Variants in FARP1 observed in about 807,000 individuals in gnomAD.
The protein encoded by FARP1 is FERM, ARHGEF and pleckstrin domain-containing protein 1.
In FARP1, 52 loss-of-function variants were observed where a neutral mutation model predicts 128.8. The ratio of observed to expected loss-of-function variants is 0.40; its 90% confidence interval spans 0.32 to 0.51. The LOEUF is 0.51. FARP1 is among the 20% of genes least tolerant of loss of function. The pLI, the probability that FARP1 is intolerant of heterozygous loss-of-function variation, is 0.45. For missense variants in FARP1, 1,333 were observed against 1,367.9 expected, an observed-to-expected ratio of 0.97 and a Z score of 0.40; for synonymous variants, 580 against 551.8, an observed-to-expected ratio of 1.05 and a Z score of -0.72.
At chr13:98,286,784 T>A (rs1015188388) in intron 2 of FARP1, among the ~76,000 whole-genome samples, 19 of 152,186 alleles carry the variant, frequency 1.2e-4, no homozygotes, top group African/African-American at 4.6e-4. Context: ...CCCAGGCACT[T>A]CTTCTTGTTG....
chr13:98,439,542 G>GC (rs1311295778), intron 21 of FARP1, among the ~76,000 whole-genome samples: 3 of 152,188 alleles, frequency 2.0e-5, no homozygotes, highest in Admixed American at 6.5e-5. Flanking sequence ...GGCCCCAGGG[G>GC]CCCCGACAGT....
intron 1 of FARP1, among the ~76,000 whole-genome samples, chr13:98,144,869 G>A (rs1190240691): frequency 6.6e-6 from 1 of 152,116 alleles, no homozygotes; most frequent in South Asian, 2.1e-4. Context: ...TCTCGTAGGG[G>A]GTTTATTCTC....
At chr13:98,261,786 A>C (rs1403515858) in intron 2 of FARP1, among the ~76,000 whole-genome samples, 1 of 152,084 alleles carries the variant, frequency 6.6e-6, no homozygotes, top group Non-Finnish European at 1.5e-5. Flanking sequence ...TTGCGTTACA[A>C]CCAACACTCT....
At chr13:98,310,518 A>C (rs1886412288) in intron 2 of FARP1, among the ~76,000 whole-genome samples, 1 of 152,240 alleles carries the variant, frequency 6.6e-6, no homozygotes, top group South Asian at 2.1e-4. Context: ...TGAAATTTTC[A>C]AAAATGGCTA....
rs1211521018 is a variant in FARP1, at chr13:98,449,745, A to G, written c.*1428A>G. 6.6e-6 allele frequency: 1 copy of G among 150,596 alleles called. No individual in the cohort carries two copies. Among genetic ancestry groups the G allele is most frequent in the Non-Finnish European group, 1.5e-5 (1 of 67,708 alleles). 9.3% of individuals were successfully genotyped at this position (150,596 alleles called of 1,614,324 possible). ...AAAATACCTCACGCCACAATCCAGC[A>G]TATTGATGTTTTAAGGCAAAACAAC... On this transcript the variant is annotated 3_prime_UTR_variant, in exon 27 of 27. Transcript: ENST00000319562.
At chr13:98,346,142 C>G (rs1351278436) in intron 3 of FARP1, among the ~76,000 whole-genome samples, 2 of 151,376 alleles carry the variant, frequency 1.3e-5, no homozygotes, top group Admixed American at 1.3e-4. Flanking sequence ...ACTGACTTGA[C>G]TCTCTGTTAA....
rs1388993400 is a variant in FARP1, at chr13:98,213,282, C to T, written c.40C>T (p.Leu14=). Residue 14 remains leucine (L), a synonymous_variant, in exon 2 of 27, where the codon CTG becomes TTG. Transcript: ENST00000319562. Reference sequence around the variant, plus strand: ...GCAGAGGCCGACCCCAGGATCACGACTGGGGGCCCCGGAAAATTCGGGGAT... The same window carrying T: ...GCAGAGGCCGACCCCAGGATCACGATTGGGGGCCCCGGAAAATTCGGGGAT... ...IEQRPTPGSR[L]GAPENSGIST... The T allele has an allele frequency of 6.2e-7, 1 of 1,614,110 alleles. No homozygotes were observed. The highest frequency in any genetic ancestry group is 1.7e-5 in the Admixed American group (1 of 60,012).
chr13:98,147,353 A>G (rs1020424756), intron 1 of FARP1, among the ~76,000 whole-genome samples: 2 of 152,150 alleles, frequency 1.3e-5, no homozygotes, highest in African/African-American at 4.8e-5. Flanking sequence ...TATGAACTTC[A>G]AGACTTGCAA....
rs752048264 is a variant in FARP1, at chr13:98,197,858, A to G, written c.-23-15362A>G. Among the ~76,000 whole-genome samples, 4 of 151,980 alleles carry G rather than the reference A, an allele frequency of 2.6e-5. No homozygotes were observed. The East Asian group carries it at 5.8e-4, about 22-fold the overall frequency. On this transcript the variant is annotated intron_variant, in intron 1 of 26. Coordinates refer to ENST00000319562, the MANE Select transcript of FARP1 (RefSeq NM_005766.4). Reference sequence around the variant, plus strand: ...TCACTGTTTAGCCAGGATGGTCTCGATCTCCTGACCTCGTGATCCGTTCGC... The same window carrying G: ...TCACTGTTTAGCCAGGATGGTCTCGGTCTCCTGACCTCGTGATCCGTTCGC...
At chr13:98,357,556 A>G (rs1566913242) in intron 3 of FARP1, among the ~76,000 whole-genome samples, 1 of 152,128 alleles carries the variant, frequency 6.6e-6, no homozygotes, top group African/African-American at 2.4e-5. Flanking sequence ...ATAACATTTT[A>G]TATCTCACAG....
chr13:98,314,759 C>T lies in FARP1; in HGVS notation c.172-29003C>T, dbSNP rs557362141. On this transcript the variant is annotated intron_variant, in intron 2 of 26. Coordinates refer to ENST00000319562, the MANE Select transcript of FARP1 (RefSeq NM_005766.4). Reference sequence around the variant, plus strand: ...TCCTTTTTGAGGCAATTAGACCCCACGAATAACCCAGCTCTTGTGGTCCTG... The same window carrying T: ...TCCTTTTTGAGGCAATTAGACCCCATGAATAACCCAGCTCTTGTGGTCCTG... 2.6e-5 allele frequency among the ~76,000 whole-genome samples: 4 copies of T among 152,300 alleles called. No homozygotes were observed. In the South Asian group the frequency reaches 6.2e-4, roughly 24 times the overall value.
intron 2 of FARP1, among the ~76,000 whole-genome samples, chr13:98,305,861 C>T (rs1270250567): frequency 2.0e-5 from 3 of 149,798 alleles, no homozygotes; most frequent in South Asian, 2.1e-4. Flanking sequence ...ATTACTTTCC[C>T]TTTTTTTTTT....
intron 1 of FARP1, among the ~76,000 whole-genome samples, chr13:98,205,485 C>T (rs1258068168): frequency 7.3e-5 from 11 of 151,478 alleles, no homozygotes; most frequent in Non-Finnish European, 1.0e-4. Flanking sequence ...CTCCACCTCC[C>T]GGGTTCATGC....
At chr13:98,209,678 T>TCC (rs1448803810) in intron 1 of FARP1, among the ~76,000 whole-genome samples, 1 of 149,692 alleles carries the variant, frequency 6.7e-6, no homozygotes, top group Non-Finnish European at 1.5e-5. Context: ...GCGCCTGTGA[T>TCC]CCCAGCTACT....
chr13:98,216,681 C>T (rs542772538), intron 2 of FARP1, among the ~76,000 whole-genome samples: 27 of 152,246 alleles, frequency 1.8e-4, no homozygotes, highest in South Asian at 1.2e-3. Flanking sequence ...ATGGTGTCTC[C>T]GTCCTTCTTT....
chr13:98,293,708 A>C (rs1165698874), intron 2 of FARP1, among the ~76,000 whole-genome samples: 1 of 152,208 alleles, frequency 6.6e-6, no homozygotes, highest in Non-Finnish European at 1.5e-5. Flanking sequence ...ACAAATAGGA[A>C]TAGGAGAAGG....
At chr13:98,287,170 T>C (rs937091719) in intron 2 of FARP1, among the ~76,000 whole-genome samples, 1 of 150,024 alleles carries the variant, frequency 6.7e-6, no homozygotes, top group African/African-American at 2.5e-5. Context: ...GTCAATGTCA[T>C]AGGCATTTGT....
chr13:98,210,806 C>T (rs1172199674), intron 1 of FARP1, among the ~76,000 whole-genome samples: 1 of 152,232 alleles, frequency 6.6e-6, no homozygotes, highest in Non-Finnish European at 1.5e-5. Flanking sequence ...GCCTCAGCCT[C>T]CCAAAGTACT....
chr13:98,269,198 G>T (rs533199420), intron 2 of FARP1, among the ~76,000 whole-genome samples: 1 of 152,148 alleles, frequency 6.6e-6, no homozygotes, highest in Non-Finnish European at 1.5e-5. Context: ...CCTTCCCTCA[G>T]TCAGTCAACC....
Sources: allele counts gnomAD v4.1 joint callset (sites outside exome capture counted in the v4.1 genomes callset), GRCh38; gene constraint gnomAD v4.1.1; transcripts MANE v1.5; gene names NCBI Gene and HGNC (gene_info 2026-07-23, HGNC 2026-07-21).